The following CCDC174 variants were observed in gnomAD, a reference collection of about 807,000 sequenced individuals.
The protein encoded by CCDC174 is coiled-coil domain-containing protein 174.
A neutral mutation model predicts 57.1 loss-of-function variants in CCDC174; 37 were observed. The ratio of observed to expected loss-of-function variants is 0.65; its 90% CI spans 0.50 to 0.85. The LOEUF (loss-of-function observed/expected upper bound fraction) is 0.85, where lower values mean the gene tolerates loss of function less well. CCDC174 is among the 40% of genes least tolerant of loss of function. The pLI is 0.00. For missense variants in CCDC174, 540 were observed against 574.3 expected (o/e 0.94, Z 0.61); for synonymous variants, 182 against 190.2 (o/e 0.96, Z 0.35).
At chr3:14,667,847 C>T (rs2031390495) in intron 8 of CCDC174, among the ~76,000 whole-genome samples, 1 of 152,150 alleles carries the variant, frequency 6.6e-6, no homozygotes, top group Non-Finnish European at 1.5e-5. Context: ...GCTCTGTGAA[C>T]TCTTATGAAA....
Position 14,672,328 on chromosome 3 carries a change from G to A in CCDC174, c.*1134G>A, listed in dbSNP as rs1020988705. 1 of 152,396 alleles carries A rather than the reference G, an allele frequency of 6.6e-6. No individual in the cohort carries two copies. Among genetic ancestry groups the A allele is most frequent in the Non-Finnish European group, 1.5e-5 (1 of 68,176 alleles). The allele number at this position is 152,396 out of a possible 1,614,324, so 9.4% of individuals were successfully genotyped here. The stretch of plus-strand genomic sequence containing the variant: ...TTGTCTCGGTTCCCGCAGTGCTGCA[G>A]TGTGGAAGGGAGTGCCCCATCCTCA... On this transcript the variant is annotated 3_prime_UTR_variant, in exon 11 of 11. Transcript: ENST00000383794.
Position 14,670,905 on chromosome 3 carries a change from T to C in CCDC174, c.1115T>C (p.Phe372Ser). 1 of 1,601,016 alleles carries C rather than the reference T, an allele frequency of 6.2e-7. No individual in the cohort carries two copies. Among genetic ancestry groups the C allele is most frequent in the Non-Finnish European group, 8.5e-7 (1 of 1,171,596 alleles). ...REWDRGKEFS[F>S]GYWSKRQSDL... ...TTCTTATTTTTACCAGAATTTTCCTTTGGATACTGGTCGAAGAGGCAGTCA... is the reference window on the plus strand; with the variant it reads ...TTCTTATTTTTACCAGAATTTTCCTCTGGATACTGGTCGAAGAGGCAGTCA... The change falls in exon 11 of 11, where the codon TTT becomes TCT. Residue 372 changes from phenylalanine to serine, a missense_variant. Phe to Ser is a radical substitution (Grantham distance 155). Transcript: ENST00000383794.
In CCDC174 at chr3:14,671,391, G is replaced by T; in HGVS notation, c.*197G>T. ...TGGCTGTTCATTTTATTCTAAGTGG[G>T]ATAGGGACATACCTACCTGGATTTA... is the stretch of plus-strand genomic sequence containing the variant. On this transcript the variant is annotated 3_prime_UTR_variant, in exon 11 of 11. Coordinates refer to ENST00000383794, the MANE Select transcript of CCDC174 (RefSeq NM_016474.5). 2 of 581,972 alleles carry T rather than the reference G, an allele frequency of 3.4e-6. No homozygotes were observed. 36.1% of individuals were successfully genotyped at this position (581,972 alleles called of 1,614,324 possible).
chr3:14,670,733 G>A (rs745660694), intron 10 of CCDC174, among the ~76,000 whole-genome samples, 163 bp from the exon 11 acceptor site: 3 of 152,108 alleles, frequency 2.0e-5, no homozygotes, highest in Admixed American at 1.3e-4. Flanking sequence ...CTCGTTGTAG[G>A]TATTACTTAT....
Position 14,671,029 on chromosome 3 carries a change from A to C in CCDC174, c.1239A>C (p.Arg413Ser). 3 of 1,614,162 alleles carry C rather than the reference A, an allele frequency of 1.9e-6. No individual in the cohort carries two copies. Among genetic ancestry groups the C allele is most frequent in the Non-Finnish European group, 2.5e-6 (3 of 1,180,026 alleles). The change falls in exon 11 of 11, where the codon AGA becomes AGC. Residue 413 changes from arginine (R) to serine (S), a missense_variant. By Grantham distance (110) the Arg-to-Ser change is moderately radical. Transcript: ENST00000383794. ...TGFSSSQAWS[R>S]PGPAQSDPGQ... ...TTTCCAGCAGCCAGGCATGGAGCAG[A>C]CCTGGGCCAGCACAGAGTGACCCAG... is the stretch of plus-strand genomic sequence containing the variant.
intron 6 of CCDC174, among the ~76,000 whole-genome samples, chr3:14,665,835 C>A (rs2031315724): frequency 6.6e-6 from 1 of 151,156 alleles, no homozygotes; most frequent in Non-Finnish European, 1.5e-5. Flanking sequence ...TCGAGATCAT[C>A]CTGGCTAGCA....
At chr3:14,668,535 T>C (rs1034813522) in intron 9 of CCDC174, among the ~76,000 whole-genome samples, 3 of 152,146 alleles carry the variant, frequency 2.0e-5, no homozygotes, top group Non-Finnish European at 2.9e-5. Flanking sequence ...TATATATATT[T>C]AAAGAAATTT....
rs2030885904 is a variant in CCDC174, at chr3:14,654,539, TA to T, written c.147+11del. 3.9e-6 allele frequency: 5 copies of T among 1,296,434 alleles called. No individual in the cohort carries two copies. The South Asian group carries it at 6.3e-5, about 16-fold the overall frequency. 80.3% of individuals were successfully genotyped at this position (1,296,434 alleles called of 1,614,324 possible). On this transcript the variant is annotated intron_variant, in intron 2 of 10. Coordinates refer to ENST00000383794, the MANE Select transcript of CCDC174 (RefSeq NM_016474.5). ...CAAAAACAACTAACAAGGTAAAAAATAAGATCTAATTATCTCCATTGGTTCC... is the reference window on the plus strand; with the variant it reads ...CAAAAACAACTAACAAGGTAAAAAATAGATCTAATTATCTCCATTGGTTCC...
In CCDC174 at chr3:14,665,029, G is replaced by T. The variant is rs780011721; in HGVS notation, c.487G>T (p.Val163Leu). 7 of 1,612,524 alleles carry T rather than the reference G, an allele frequency of 4.3e-6. No homozygotes were observed. In the African/African-American group the frequency reaches 8.0e-5, roughly 18 times the overall value. Residue 163 changes from valine (V) to leucine (L), a missense_variant and splice_region_variant, in exon 6 of 11, where the codon GTG becomes TTG. Val to Leu is a conservative substitution (Grantham distance 32). Coordinates refer to ENST00000383794, the MANE Select transcript of CCDC174 (RefSeq NM_016474.5). ...PPPQDPSEEWVDYVDSLGRSR... is the reference protein window; with the variant it reads ...PPPQDPSEEWLDYVDSLGRSR... ...CACATCTTTTTGCTTTCATTTCAGG[G>T]TGGATTACGTGGACTCTTTGGGGCG... is the stretch of plus-strand genomic sequence containing the variant.
intron 9 of CCDC174, among the ~76,000 whole-genome samples, chr3:14,668,852 C>G (rs1335818296): frequency 6.6e-6 from 1 of 152,086 alleles, no homozygotes; most frequent in African/African-American, 2.4e-5. Context: ...GTAGCTCTGC[C>G]CTAGATGGTC....
At chr3:14,655,651 A>G in intron 3 of CCDC174, 22 bp downstream of exon 3, 1 of 1,486,410 alleles carries the variant, frequency 6.7e-7, no homozygotes, top group African/African-American at 1.4e-5. Context: ...AGCTCTGGTA[A>G]ATATAGTTAG....
intron 5 of CCDC174, 54 bp from the exon 6 acceptor site, chr3:14,664,974 G>A: frequency 2.3e-6 from 3 of 1,306,802 alleles, no homozygotes; most frequent in Admixed American, 1.7e-5. Flanking sequence ...CCCTGACTTA[G>A]GGGCTTGTAC....
At chr3:14,658,032 T>G (rs1464207210) in intron 3 of CCDC174, among the ~76,000 whole-genome samples, 1 of 152,268 alleles carries the variant, frequency 6.6e-6, no homozygotes, top group Non-Finnish European at 1.5e-5. Flanking sequence ...AAGCCTGATA[T>G]GAGTGAGCCG....
rs745951750 is a variant in CCDC174 at position 14,670,018 on chromosome 3, T to C, written c.1037T>C (p.Val346Ala). 9 of 1,611,328 alleles carry C rather than the reference T, an allele frequency of 5.6e-6. No homozygotes were observed. The highest frequency in any genetic ancestry group is 7.6e-6 in the Non-Finnish European group (9 of 1,179,244). The change falls in exon 10 of 11, where the codon GTC (valine) becomes GCC (alanine). Residue 346 changes from valine (V) to alanine (A), a missense_variant. Physicochemically the swap from Val to Ala is moderately conservative, Grantham distance 64. Transcript: ENST00000383794. The part of the protein sequence containing the change: ...RPAAQSSKVE[V>A]IVQERKDTKP... ...GCTGCCCAGAGTAGCAAAGTAGAAG[T>C]CATTGTCCAGGAGAGGAAGGACACC... is the stretch of plus-strand genomic sequence containing the variant.
chr3:14,656,498 C>T (rs2059427280), intron 3 of CCDC174, among the ~76,000 whole-genome samples: 1 of 152,158 alleles, frequency 6.6e-6, no homozygotes, highest in Non-Finnish European at 1.5e-5. Flanking sequence ...AGTGGTGTGT[C>T]CTTCCCATTG....
intron 2 of CCDC174, 42 bp from the exon 3 acceptor site, chr3:14,655,487 C>T (rs1413025850): frequency 2.3e-6 from 3 of 1,304,018 alleles, no homozygotes; most frequent in South Asian, 1.3e-5. Context: ...GATTTTTTGG[C>T]AATCATGTGG....
At chr3:14,668,239 C>T in intron 9 of CCDC174, 58 bp downstream of exon 9, 1 of 1,487,460 alleles carries the variant, frequency 6.7e-7, no homozygotes, top group Non-Finnish European at 9.2e-7. Flanking sequence ...CCATTGATGT[C>T]TTGCTAATAG....
At chr3:14,664,199 A>G (rs1210927678) in intron 5 of CCDC174, among the ~76,000 whole-genome samples, 2 of 152,348 alleles carry the variant, frequency 1.3e-5, no homozygotes, top group Middle Eastern at 3.4e-3. Context: ...AAAAATTGCT[A>G]ACAAAAGCAA....
intron 4 of CCDC174, among the ~76,000 whole-genome samples, chr3:14,659,424 C>A (rs75998558): frequency 0.01 from 1,540 of 152,190 alleles, 25 homozygotes; most frequent in African/African-American, 0.034. Context: ...TAGTGGCTTA[C>A]GCTTGTAATT....
Sources: gnomAD v4.1 joint callset for allele counts (sites outside exome capture counted in the v4.1 genomes callset) on GRCh38, gnomAD v4.1.1 for gene constraint, MANE v1.5 for transcripts, NCBI Gene and HGNC (gene_info 2026-07-23, HGNC 2026-07-21) for gene names.